SEMA3A: variants seen among roughly 807,000 people sequenced by gnomAD.
SEMA3A encodes the protein semaphorin 3A.
In SEMA3A, 29 loss-of-function variants were observed where a neutral mutation model predicts 97.9. The observed-to-expected ratio is 0.30, with a 90% CI of 0.22 to 0.40. The LOEUF (loss-of-function observed/expected upper bound fraction) is 0.40. SEMA3A is among the 10% of genes least tolerant of loss of function. The pLI is 1.00. For synonymous variants in SEMA3A, 321 were observed against 323.7 expected, an observed-to-expected ratio of 0.99 and a Z score of 0.09; for missense variants, 763 against 951.3, an observed-to-expected ratio of 0.80 and a Z score of 2.60.
chr7:84,417,654 CTTAT>C (rs973775415), intron 1 of SEMA3A, among the ~76,000 whole-genome samples: 7 of 151,948 alleles, frequency 4.6e-5, no homozygotes, highest in African/African-American at 1.7e-4. Flanking sequence ...ATGACTTTTT[CTTAT>C]TTATTTTATT....
chr7:84,287,554 C>G (rs12674281), intron 3 of SEMA3A, among the ~76,000 whole-genome samples: 4 of 152,144 alleles, frequency 2.6e-5, no homozygotes, highest in African/African-American at 9.7e-5. Flanking sequence ...TTTCACTTTA[C>G]TAAATTTCCA....
At chr7:84,324,767 G>A (rs1232148872) in intron 2 of SEMA3A, among the ~76,000 whole-genome samples, 1 of 151,890 alleles carries the variant, frequency 6.6e-6, no homozygotes, top group Non-Finnish European at 1.5e-5. Context: ...ATGCTTAGCT[G>A]AATAGACTAC....
intron 4 of SEMA3A, among the ~76,000 whole-genome samples, chr7:84,094,272 C>T (rs1398077780): frequency 1.3e-5 from 2 of 151,872 alleles, no homozygotes; most frequent in Non-Finnish European, 2.9e-5. Flanking sequence ...AGGCAAACGT[C>T]CTTCTTTCTA....
intron 15 of SEMA3A, among the ~76,000 whole-genome samples, chr7:83,974,441 C>G (rs1789053976): frequency 6.6e-6 from 1 of 152,160 alleles, no homozygotes; most frequent in Non-Finnish European, 1.5e-5. Flanking sequence ...TTTACCATTA[C>G]AGCTGGAACT....
Position 83,957,715 on chromosome 7 carries a change from G to A in SEMA3A, c.*3656C>T, listed in dbSNP as rs572577204. ...TCAAACAAACTAATGAGATTTTACA[G>A]ATTTTTGAAAAATAATGTTTTCTTC... On this transcript the variant is annotated 3_prime_UTR_variant, in exon 17 of 17. Transcript: ENST00000265362. The A allele has an allele frequency of 1.3e-5, 2 of 152,092 alleles. No homozygotes were observed. Among genetic ancestry groups the A allele is most frequent in the South Asian group, 4.1e-4 (2 of 4,830 alleles). 9.4% of individuals were successfully genotyped at this position (152,092 alleles called of 1,614,324 possible).
At chr7:84,308,341 A>T (rs1366816700) in intron 2 of SEMA3A, among the ~76,000 whole-genome samples, 3 of 152,198 alleles carry the variant, frequency 2.0e-5, no homozygotes, top group African/African-American at 7.2e-5. Flanking sequence ...GTTATCAGAA[A>T]ATGGTACCCC....
intron 3 of SEMA3A, among the ~76,000 whole-genome samples, chr7:84,254,169 T>G (rs1799666952): frequency 6.6e-6 from 1 of 152,276 alleles, no homozygotes; most frequent in African/African-American, 2.4e-5. Flanking sequence ...TCTTTTATTC[T>G]AAACTTCTCA....
intron 1 of SEMA3A, among the ~76,000 whole-genome samples, chr7:84,482,599 T>C (rs1806474729): frequency 6.6e-6 from 1 of 152,182 alleles, no homozygotes; most frequent in Admixed American, 6.5e-5. Context: ...ATTTGTCCAT[T>C]ACACTGCCTC....
chr7:84,217,044 T>C (rs1000173160), intron 3 of SEMA3A, among the ~76,000 whole-genome samples: 7 of 152,198 alleles, frequency 4.6e-5, no homozygotes, highest in Admixed American at 4.6e-4. Flanking sequence ...TTATTCACCA[T>C]GTTCACAAAC....
At chr7:84,299,859 G>A (rs1281149499) in intron 3 of SEMA3A, among the ~76,000 whole-genome samples, 3 of 148,380 alleles carry the variant, frequency 2.0e-5, no homozygotes, top group Admixed American at 6.7e-5. Flanking sequence ...GTGAAACCTC[G>A]TCTCTACTAA....
At chr7:84,491,140 C>T (rs1806713296) in intron 1 of SEMA3A, among the ~76,000 whole-genome samples, 1 of 152,020 alleles carries the variant, frequency 6.6e-6, no homozygotes, top group South Asian at 2.1e-4. Flanking sequence ...AGGATTCTAC[C>T]GTCATGGCTT....
rs898232102 is a variant in SEMA3A, at chr7:84,066,068, C to T, written c.454-5510G>A. On this transcript the variant is annotated intron_variant, in intron 4 of 16. Transcript: ENST00000265362. ...CCAGCAGCACATCAAAAAGCTTATC[C>T]GCCATGATCAAGTGGGCTTCATCCC... Among the ~76,000 whole-genome samples the T allele has an allele frequency of 6.6e-4, 100 of 151,428 alleles. 1 individual carries two copies. The highest frequency in any genetic ancestry group is 2.3e-3 in the African/African-American group (96 of 40,872).
At chr7:84,204,605 G>C (rs937783960) in intron 3 of SEMA3A, among the ~76,000 whole-genome samples, 14 of 152,128 alleles carry the variant, frequency 9.2e-5, no homozygotes, top group African/African-American at 3.4e-4. Flanking sequence ...TACCACAAAG[G>C]CTAAATGAAA....
intron 1 of SEMA3A, among the ~76,000 whole-genome samples, chr7:84,135,694 T>G (rs1796104190): frequency 1.3e-5 from 2 of 152,182 alleles, no homozygotes; most frequent in African/African-American, 4.8e-5. Context: ...CGGTTTAACC[T>G]CTTAGGTTCC....
At chr7:84,135,129 T>G (rs1489964014) in intron 1 of SEMA3A, among the ~76,000 whole-genome samples, 178 bp from the exon 2 acceptor site, 4 of 151,842 alleles carry the variant, frequency 2.6e-5, no homozygotes, top group African/African-American at 4.8e-5. Flanking sequence ...TTTTTTTTTT[T>G]TTTTGAGATG....
At position 84,109,225 on chromosome 7, in the gene SEMA3A, T is replaced by C. The variant is rs981219192; in HGVS notation, c.453+1245A>G. Among the ~76,000 whole-genome samples the C allele has an allele frequency of 2.6e-5, 4 of 152,188 alleles. No homozygotes were observed. The East Asian group carries it at 7.7e-4, about 29-fold the overall frequency. The stretch of plus-strand genomic sequence containing the variant: ...CATGTGCATAAATTTATCCCTAATT[T>C]AATCAATGTAAAACAAGCAACTTCA... On this transcript the variant is annotated intron_variant, in intron 4 of 16. Coordinates refer to ENST00000265362, the MANE Select transcript of SEMA3A (RefSeq NM_006080.3).
intron 1 of SEMA3A, among the ~76,000 whole-genome samples, chr7:84,142,633 G>C (rs961455704): frequency 6.6e-6 from 1 of 152,076 alleles, no homozygotes; most frequent in Non-Finnish European, 1.5e-5. Flanking sequence ...ATTTGCTTTA[G>C]CTAACAGCTC....
intron 1 of SEMA3A, among the ~76,000 whole-genome samples, chr7:84,153,958 T>G (rs929142584): frequency 6.6e-6 from 1 of 152,090 alleles, no homozygotes; most frequent in African/African-American, 2.4e-5. Flanking sequence ...AAAACACTAG[T>G]TCCTTTTGAT....
intron 1 of SEMA3A, among the ~76,000 whole-genome samples, chr7:84,149,118 G>A (rs1163877060): frequency 6.6e-6 from 1 of 152,150 alleles, no homozygotes; most frequent in Non-Finnish European, 1.5e-5. Context: ...ATGTAGATAA[G>A]TTGGACAAGA....
Sources: gnomAD v4.1 joint callset for allele counts (sites outside exome capture counted in the v4.1 genomes callset) on GRCh38, gnomAD v4.1.1 for gene constraint, MANE v1.5 for transcripts, NCBI Gene and HGNC (gene_info 2026-07-23, HGNC 2026-07-21) for gene names.